The following TAAR5 variants were observed in gnomAD, a reference collection of about 807,000 sequenced individuals.
The protein encoded by TAAR5 is trace amine associated receptor 5, also known as trace amine-associated receptor 5.
A neutral mutation model predicts 21.1 loss-of-function variants in TAAR5; 27 were observed. The observed-to-expected ratio is 1.28, with a 90% CI of 0.94 to 1.76. TAAR5 has a LOEUF of 1.76. TAAR5 is among the 40% of genes most tolerant of loss of function. The pLI is 0.00. For missense variants in TAAR5, 495 were observed against 405.6 expected (o/e 1.22, Z -1.89); for synonymous variants, 203 against 167.5 (o/e 1.21, Z -1.64).
the TAAR5 span, among the ~76,000 whole-genome samples, chr6:132,596,911 C>T: frequency 2.6e-5 from 4 of 151,940 alleles, no homozygotes; most frequent in African/African-American, 4.8e-5. Flanking sequence ...TCTTTATCTC[C>T]CCTGCATTTG....
chr6:132,616,508 A>G, the TAAR5 span, among the ~76,000 whole-genome samples: 1 of 152,222 alleles, frequency 6.6e-6, no homozygotes, highest in African/African-American at 2.4e-5. Flanking sequence ...TGCTGTGATT[A>G]GGATGGCTCC....
the TAAR5 span, among the ~76,000 whole-genome samples, chr6:132,595,915 C>T: frequency 6.6e-6 from 1 of 152,130 alleles, no homozygotes; most frequent in Non-Finnish European, 1.5e-5. Context: ...TCCTTTTTAA[C>T]TTTATGTGTG....
the TAAR5 span, among the ~76,000 whole-genome samples, chr6:132,599,246 T>G: frequency 1.3e-5 from 2 of 152,090 alleles, no homozygotes; most frequent in African/African-American, 4.8e-5. Flanking sequence ...CCATTGATAA[T>G]TTTATTATTC....
chr6:132,597,411 T>C, the TAAR5 span, among the ~76,000 whole-genome samples: 11 of 152,126 alleles, frequency 7.2e-5, no homozygotes. Context: ...TGAAAACAAG[T>C]AACCACATGA....
At position 132,589,578 on chromosome 6, in the gene TAAR5, T is replaced by A; in HGVS notation, c.109A>T (p.Ile37Phe). 6.2e-7 allele frequency: 1 copy of A among 1,613,916 alleles called. No individual in the cohort carries two copies. The highest frequency in any genetic ancestry group is 8.5e-7 in the Non-Finnish European group (1 of 1,179,946). The change falls in exon 1 of 1, where the codon ATC (isoleucine) becomes TTC (phenylalanine). Residue 37 changes from isoleucine (I) to phenylalanine (F), a missense_variant. Transcript: ENST00000258034. ...TVHTLGIQLVIYLACAAGMLI... is the reference protein window; with the variant it reads ...TVHTLGIQLVFYLACAAGMLI... ...ATGCCTGCTGCACAGGCCAGGTAGATGACCAACTGGATGCCCAGAGTATGT... is the reference window on the plus strand; with the variant it reads ...ATGCCTGCTGCACAGGCCAGGTAGAAGACCAACTGGATGCCCAGAGTATGT...
At chr6:132,591,005 C>A (rs1043414111), upstream of TAAR5, among the ~76,000 whole-genome samples, 3 of 152,114 alleles carry the variant, frequency 2.0e-5, no homozygotes, top group Admixed American at 2.0e-4. Context: ...GACTTCCACA[C>A]AGGATTCATC....
chr6:132,600,170 C>T, the TAAR5 span, among the ~76,000 whole-genome samples: 2 of 152,094 alleles, frequency 1.3e-5, no homozygotes, highest in South Asian at 4.1e-4. Context: ...ACAGCTGGTT[C>T]CTCGAGAGTT....
At chr6:132,605,672 C>CACT in the TAAR5 span, among the ~76,000 whole-genome samples, 1 of 152,126 alleles carries the variant, frequency 6.6e-6, no homozygotes, top group Admixed American at 6.6e-5. Context: ...AAGAAGTAGA[C>CACT]ACTACCTGGG....
chr6:132,608,743 T>C, the TAAR5 span: 10 of 455,830 alleles, frequency 2.2e-5, no homozygotes, highest in Non-Finnish European at 3.5e-5. Context: ...AAGTATCTTA[T>C]AGCTCTGCAT....
At chr6:132,600,519 C>CA in the TAAR5 span, among the ~76,000 whole-genome samples, 1 of 152,086 alleles carries the variant, frequency 6.6e-6, no homozygotes, top group Admixed American at 6.6e-5. Context: ...GCTGGAGCTC[C>CA]ATGGAGAATA....
In TAAR5 at chr6:132,589,119, C is replaced by G; in HGVS notation, c.568G>C (p.Gly190Arg). ...SQWLEEMPCV[G>R]SCQLLLNKFW... Reference sequence around the variant, plus strand: ...TTATTGAGCAGCAGCTGGCAACTGCCCACACAAGGCATCTCTTCCAGCCAC... The same window carrying G: ...TTATTGAGCAGCAGCTGGCAACTGCGCACACAAGGCATCTCTTCCAGCCAC... The change falls in exon 1 of 1, where the codon GGC becomes CGC. Residue 190 changes from glycine (G) to arginine (R), a missense_variant. By Grantham distance (125) the Gly-to-Arg change is moderately radical. Coordinates refer to ENST00000258034, the MANE Select transcript of TAAR5 (RefSeq NM_003967.3). 6.2e-7 allele frequency: 1 copy of G among 1,613,104 alleles called. No homozygotes were observed. Among genetic ancestry groups the G allele is most frequent in the African/African-American group, 1.3e-5 (1 of 75,024 alleles).
chr6:132,600,840 G>A, the TAAR5 span, among the ~76,000 whole-genome samples: 1 of 127,320 alleles, frequency 7.9e-6, no homozygotes, highest in African/African-American at 3.0e-5. Flanking sequence ...AAGGAAGGAG[G>A]GAAGGAAGGA....
chr6:132,598,776 T>C, the TAAR5 span, among the ~76,000 whole-genome samples: 1 of 152,096 alleles, frequency 6.6e-6, no homozygotes, highest in Non-Finnish European at 1.5e-5. Flanking sequence ...CAAACATTGC[T>C]ATGACCTCAG....
chr6:132,588,644 T>C lies in TAAR5; in HGVS notation c.*29A>G, dbSNP rs199721160. On this transcript the variant is annotated 3_prime_UTR_variant, in exon 1 of 1. Transcript: ENST00000258034. ...GCCACTTATCTTTCCTGTGAGGTCC[T>C]ACTCCTTGCCTGCATTTAGTAGAAG... 15 of 1,585,418 alleles carry C rather than the reference T, an allele frequency of 9.5e-6. No homozygotes were observed. The highest frequency in any genetic ancestry group is 1.3e-5 in the African/African-American group (1 of 74,708).
At chr6:132,599,979 A>G in the TAAR5 span, among the ~76,000 whole-genome samples, 1 of 152,344 alleles carries the variant, frequency 6.6e-6, no homozygotes, top group African/African-American at 2.4e-5. Flanking sequence ...GCATTTGTAA[A>G]CAAACAAAAA....
At chr6:132,610,623 G>T in the TAAR5 span, among the ~76,000 whole-genome samples, 14 of 152,162 alleles carry the variant, frequency 9.2e-5, no homozygotes, top group South Asian at 6.2e-4. Context: ...CCTGAATTTT[G>T]CTGGTTAGAG....
At chr6:132,609,052 G>A in the TAAR5 span, 3 of 455,210 alleles carry the variant, frequency 6.6e-6, no homozygotes, top group South Asian at 1.6e-5. Context: ...CAGAAAGTCC[G>A]TGGTTGCCAT....
At chr6:132,604,442 T>A in the TAAR5 span, among the ~76,000 whole-genome samples, 1 of 151,988 alleles carries the variant, frequency 6.6e-6, no homozygotes, top group Admixed American at 6.6e-5. Flanking sequence ...TGTGCCAGGC[T>A]GACGTATCTT....
upstream of TAAR5, among the ~76,000 whole-genome samples, chr6:132,592,093 A>G (rs1009810226): frequency 2.6e-5 from 4 of 152,212 alleles, no homozygotes; most frequent in African/African-American, 9.6e-5. Flanking sequence ...GGCAAAAGTA[A>G]TTGGATTCTG....
Sources: gnomAD v4.1 joint callset for allele counts (sites outside exome capture counted in the v4.1 genomes callset) on GRCh38, gnomAD v4.1.1 for gene constraint, MANE v1.5 for transcripts, NCBI Gene and HGNC (gene_info 2026-07-23, HGNC 2026-07-21) for gene names.